Variants in FOXN3 observed in about 807,000 individuals in gnomAD.
FOXN3 encodes forkhead box N3.
FOXN3 carries 7 observed loss-of-function variants against 38.4 expected under a neutral mutation model. The ratio of observed to expected loss-of-function variants is 0.18; its 90% confidence interval spans 0.10 to 0.34. The LOEUF (loss-of-function observed/expected upper bound fraction) is 0.34, where lower values mean the gene tolerates loss of function less well. Ranked by LOEUF, FOXN3 falls within the 10% of genes least tolerant of loss-of-function variation. The pLI, the probability that FOXN3 is intolerant of heterozygous loss-of-function variation, is 1.00. For missense variants in FOXN3, 456 were observed against 613.4 expected, an observed-to-expected ratio of 0.74 and a Z score of 2.71; for synonymous variants, 230 against 242.2, an observed-to-expected ratio of 0.95 and a Z score of 0.47.
chr14:89,276,177 G>A lies in FOXN3; in HGVS notation c.745+4773C>T, dbSNP rs898865873. Among the ~76,000 whole-genome samples, 23 of 152,130 alleles carry A rather than the reference G, an allele frequency of 1.5e-4. 1 individual carries two copies. The highest frequency in any genetic ancestry group is 5.3e-4 in the African/African-American group (22 of 41,414). ...GCCTGTAATCCCAGCTACTTGGAAGGCTGAGGCAGAAGAATCACTTGAACC... is the reference window on the plus strand; with the variant it reads ...GCCTGTAATCCCAGCTACTTGGAAGACTGAGGCAGAAGAATCACTTGAACC... On this transcript the variant is annotated intron_variant, in intron 4 of 5. Coordinates refer to ENST00000557258, the MANE Select transcript of FOXN3 (RefSeq NM_005197.4).
At chr14:89,176,408 C>T (rs999490103) in intron 5 of FOXN3, among the ~76,000 whole-genome samples, 11 of 152,148 alleles carry the variant, frequency 7.2e-5, no homozygotes, top group African/African-American at 2.7e-4. Flanking sequence ...AAGGAGAAGT[C>T]GCTTAGATTC....
intron 4 of FOXN3, among the ~76,000 whole-genome samples, chr14:89,276,316 A>T (rs1298032254): frequency 2.6e-5 from 4 of 152,226 alleles, no homozygotes; most frequent in African/African-American, 9.6e-5. Context: ...AACAGAAGTG[A>T]ATGGAAATAA....
intron 1 of FOXN3, among the ~76,000 whole-genome samples, chr14:89,608,054 C>T (rs143554185): frequency 0.02 from 3,072 of 152,036 alleles, 98 homozygotes; most frequent in African/African-American, 0.07. Context: ...TCTCAGCTCA[C>T]TGAAAGCTCC....
intron 4 of FOXN3, among the ~76,000 whole-genome samples, chr14:89,242,198 C>T (rs1885160753): frequency 6.6e-6 from 1 of 152,060 alleles, no homozygotes; most frequent in South Asian, 2.1e-4. Flanking sequence ...CGAGTGGTGC[C>T]CGCGTTCCTG....
chr14:89,547,245 T>G (rs1165277520), intron 1 of FOXN3, among the ~76,000 whole-genome samples: 1 of 150,902 alleles, frequency 6.6e-6, no homozygotes, highest in Non-Finnish European at 1.5e-5. Context: ...ATTTATTTAT[T>G]TATTTATTTA....
At position 89,281,014 on chromosome 14, in the gene FOXN3, G is replaced by A. The variant is rs141208534; in HGVS notation, c.681C>T (p.Ser227=). The change falls in exon 4 of 6, where the codon AGC becomes AGT. Residue 227 remains serine, a splice_region_variant and synonymous_variant. Transcript: ENST00000557258. ...CCGGCCAGATGGGTGGACCTGATGT[G>A]CTGAAAGAGAAAAGAAACTAGCATA... The part of the protein sequence containing the change: ...TPPTCPQAYQ[S]TSGPPIWPGS... 156 of 1,613,022 alleles carry A rather than the reference G, an allele frequency of 9.7e-5. No individual in the cohort carries two copies. Among genetic ancestry groups the A allele is most frequent in the Non-Finnish European group, 1.3e-4 (151 of 1,179,674 alleles).
chr14:89,323,264 G>C (rs148926942), intron 3 of FOXN3, among the ~76,000 whole-genome samples: 121 of 148,076 alleles, frequency 8.2e-4, no homozygotes, highest in East Asian at 5.2e-3. Flanking sequence ...CTCCAGCATG[G>C]GCGACAGAGC....
chr14:89,287,794 T>A (rs1274898857), intron 3 of FOXN3, among the ~76,000 whole-genome samples: 1 of 149,512 alleles, frequency 6.7e-6, no homozygotes, highest in Non-Finnish European at 1.5e-5. Flanking sequence ...CTCACCCCTG[T>A]AACCTCAGCA....
intron 3 of FOXN3, among the ~76,000 whole-genome samples, chr14:89,296,218 A>T (rs1032065154): frequency 1.3e-5 from 2 of 152,258 alleles, no homozygotes; most frequent in South Asian, 4.1e-4. Context: ...ACATGCATAC[A>T]GCTTATGATA....
At chr14:89,464,442 C>T (rs10138514) in intron 1 of FOXN3, among the ~76,000 whole-genome samples, 1,663 of 152,296 alleles carry the variant, frequency 0.011, 28 homozygotes, top group African/African-American at 0.037. Flanking sequence ...TTTTCAGCAA[C>T]AGCAGGAAAA....
intron 1 of FOXN3, among the ~76,000 whole-genome samples, chr14:89,457,412 C>T (rs915325280): frequency 3.3e-5 from 5 of 152,168 alleles, no homozygotes; most frequent in African/African-American, 1.2e-4. Context: ...TGCATAGTGG[C>T]TGCAAGCATG....
Position 89,171,990 on chromosome 14 carries a change from T to C in FOXN3, c.851+8711A>G, listed in dbSNP as rs561833528. On this transcript the variant is annotated intron_variant, in intron 5 of 5. Transcript: ENST00000557258. The stretch of plus-strand genomic sequence containing the variant: ...ATCTATAAACTGTTAGAGTTACTAA[T>C]GCAGTTTATTTAGCAAGGTTGCTGG... 3.9e-4 allele frequency among the ~76,000 whole-genome samples: 59 copies of C among 152,336 alleles called. No homozygotes were observed. The South Asian group carries it at 0.012, about 31-fold the overall frequency.
intron 1 of FOXN3, among the ~76,000 whole-genome samples, chr14:89,446,196 C>CTT (rs1555354304): frequency 3.8e-5 from 1 of 26,126 alleles, no homozygotes; most frequent in African/African-American, 1.3e-4. Context: ...TTTTTTTTTT[C>CTT]TTTTTTTTTT....
intron 4 of FOXN3, among the ~76,000 whole-genome samples, chr14:89,215,907 T>A (rs1451548835): frequency 6.6e-6 from 1 of 152,178 alleles, no homozygotes; most frequent in Non-Finnish European, 1.5e-5. Context: ...AAACTCTTCA[T>A]CTCACCTTAA....
chr14:89,244,468 G>A (rs1023241607), intron 4 of FOXN3, among the ~76,000 whole-genome samples: 3 of 152,224 alleles, frequency 2.0e-5, no homozygotes, highest in African/African-American at 7.2e-5. Context: ...AAAGTGTGAA[G>A]AGTATGAAAA....
rs139743742 is a variant in FOXN3 at position 89,540,676 on chromosome 14, T to C, written c.-15+78352A>G. The stretch of plus-strand genomic sequence containing the variant: ...CTCGCTTGAACTGGGAGGCGGAGGC[T>C]GTAGTGAGCCGAGATTGCAACACTG... On this transcript the variant is annotated intron_variant, in intron 1 of 6. Coordinates refer to the FOXN3 transcript ENST00000345097. 2.8e-3 allele frequency among the ~76,000 whole-genome samples: 420 copies of C among 149,630 alleles called. 2 individuals are homozygous for C. The highest frequency in any genetic ancestry group is 4.6e-3 in the Non-Finnish European group (311 of 67,778).
At chr14:89,597,630 C>G (rs1334439063) in intron 1 of FOXN3, among the ~76,000 whole-genome samples, 1 of 151,944 alleles carries the variant, frequency 6.6e-6, no homozygotes, top group Non-Finnish European at 1.5e-5. Context: ...GAGAGAGAGA[C>G]AGAGAGAGAG....
chr14:89,210,766 T>C (rs1034783660), intron 4 of FOXN3, among the ~76,000 whole-genome samples: 2 of 152,172 alleles, frequency 1.3e-5, no homozygotes, highest in African/African-American at 4.8e-5. Flanking sequence ...AAAACAGAGG[T>C]GCTATCGAGT....
intron 4 of FOXN3, among the ~76,000 whole-genome samples, chr14:89,197,047 A>T (rs1403110501): frequency 1.3e-5 from 2 of 152,238 alleles, no homozygotes; most frequent in Non-Finnish European, 2.9e-5. Context: ...GATTTTCCAC[A>T]GGGCTAATGT....
Sources: allele counts gnomAD v4.1 joint callset (sites outside exome capture counted in the v4.1 genomes callset), GRCh38; gene constraint gnomAD v4.1.1; transcripts MANE v1.5; gene names NCBI Gene and HGNC (gene_info 2026-07-23, HGNC 2026-07-21).